Variants in ATP2A2 observed in about 807,000 individuals in gnomAD.
ATP2A2 encodes sarcoplasmic/endoplasmic reticulum calcium ATPase 2.
Under a neutral mutation model 109.3 loss-of-function variants are expected in ATP2A2, and 14 were observed. The observed-to-expected ratio is 0.13, with a 90% confidence interval of 0.08 to 0.20. ATP2A2 has a LOEUF of 0.20. ATP2A2 is among the 10% of genes least tolerant of loss of function. The pLI is 1.00. For synonymous variants in ATP2A2, 506 were observed against 490.9 expected (o/e 1.03, Z -0.41); for missense variants, 657 against 1,321.6 (o/e 0.50, Z 7.80).
At chr12:110,313,275 G>A (rs1876290445) in intron 5 of ATP2A2, among the ~76,000 whole-genome samples, 2 of 151,250 alleles carry the variant, frequency 1.3e-5, no homozygotes. Flanking sequence ...TTTGGAAAAA[G>A]GAGAAGAAAC....
At position 110,281,825 on chromosome 12, in the gene ATP2A2, G is replaced by A. The variant is rs764707034; in HGVS notation, c.36G>A (p.Val12=). The A allele has an allele frequency of 1.9e-5, 29 of 1,558,660 alleles. No individual in the cohort carries two copies. Among genetic ancestry groups the A allele is most frequent in the Non-Finnish European group, 2.3e-5 (27 of 1,153,942 alleles). The change falls in exon 1 of 20, where the codon GTG becomes GTA. Residue 12 remains valine, a synonymous_variant. Coordinates refer to ENST00000539276, the MANE Select transcript of ATP2A2 (RefSeq NM_170665.4). ...ENAHTKTVEE[V]LGHFGVNEST... ...CGCACACCAAGACGGTGGAGGAGGTGCTGGGCCACTTCGGCGTCAACGAGA... is the reference window on the plus strand; with the variant it reads ...CGCACACCAAGACGGTGGAGGAGGTACTGGGCCACTTCGGCGTCAACGAGA...
chr12:110,335,521 A>T (rs549271951), intron 11 of ATP2A2, among the ~76,000 whole-genome samples: 18 of 152,326 alleles, frequency 1.2e-4, no homozygotes, highest in African/African-American at 4.3e-4. Context: ...TCTCAAAAAA[A>T]AATTAAGGCC....
intron 5 of ATP2A2, among the ~76,000 whole-genome samples, chr12:110,321,363 C>T (rs998815583): frequency 1.3e-5 from 2 of 152,186 alleles, no homozygotes; most frequent in African/African-American, 4.8e-5. Flanking sequence ...TTTTAAAATG[C>T]CATCTGCAAG....
chr12:110,312,693 T>G (rs1876210608), intron 5 of ATP2A2, among the ~76,000 whole-genome samples: 1 of 151,236 alleles, frequency 6.6e-6, no homozygotes, highest in South Asian at 2.1e-4. Context: ...TCACTAAAAA[T>G]ACAAAAATTA....
Position 110,292,119 on chromosome 12 carries a change from T to C in ATP2A2, c.319T>C (p.Trp107Arg). Residue 107 changes from tryptophan (W) to arginine (R), a missense_variant, in exon 4 of 20, where the codon TGG (tryptophan) becomes CGG (arginine). This residue lies in a region of ATP2A2 where 136 missense variants were observed against 343.9 expected (regional missense o/e 0.40). Coordinates refer to ENST00000539276, the MANE Select transcript of ATP2A2 (RefSeq NM_170665.4). ...ILVANAIVGV[W>R]QERNAENAIE... ...AGTAGCCAATGCAATTGTGGGTGTA[T>C]GGCAGGTAAGCAAAAATTCCTGTAC... The C allele has an allele frequency of 6.2e-7, 1 of 1,613,624 alleles. No homozygotes were observed. The highest frequency in any genetic ancestry group is 2.2e-5 in the East Asian group (1 of 44,882).
At chr12:110,308,152 C>G (rs571417621) in intron 5 of ATP2A2, among the ~76,000 whole-genome samples, 2 of 152,226 alleles carry the variant, frequency 1.3e-5, no homozygotes, top group East Asian at 3.9e-4. Context: ...TTAAGATTTT[C>G]TATATACAAG....
intron 5 of ATP2A2, among the ~76,000 whole-genome samples, chr12:110,316,345 T>C (rs983717422): frequency 1.1e-4 from 17 of 152,258 alleles, no homozygotes; most frequent in Admixed American, 2.0e-4. Flanking sequence ...TTCTAGACTT[T>C]TACTGGCATA....
intron 5 of ATP2A2, among the ~76,000 whole-genome samples, chr12:110,303,494 T>C (rs1037904834): frequency 1.3e-5 from 2 of 152,202 alleles, no homozygotes; most frequent in African/African-American, 4.8e-5. Context: ...CACTGCAACC[T>C]CCGACTCCCT....
chr12:110,288,761 C>T (rs1022645685), intron 3 of ATP2A2, among the ~76,000 whole-genome samples: 2 of 152,122 alleles, frequency 1.3e-5, no homozygotes, highest in East Asian at 1.9e-4. Flanking sequence ...AAACATTTTC[C>T]CAGTTCCTTG....
intron 14 of ATP2A2, among the ~76,000 whole-genome samples, chr12:110,341,484 C>T (rs1180502744): frequency 6.6e-6 from 1 of 152,126 alleles, no homozygotes; most frequent in Admixed American, 6.5e-5. Context: ...TCCTCTCCCC[C>T]AGAGGTAACT....
At position 110,350,186 on chromosome 12, in the gene ATP2A2, T is replaced by C; in HGVS notation, c.*3716T>C. 2 of 1,609,270 alleles carry C rather than the reference T, an allele frequency of 1.2e-6. No individual in the cohort carries two copies. Among genetic ancestry groups the C allele is most frequent in the Non-Finnish European group, 8.5e-7 (1 of 1,177,846 alleles). ...GAAACCTTGAAAAGATCAAGCTGAA[T>C]GTTCCTTTTCATCTGTCGCTGTTGA... is the stretch of plus-strand genomic sequence containing the variant. On this transcript the variant is annotated 3_prime_UTR_variant, in exon 20 of 20. Coordinates refer to ENST00000539276, the MANE Select transcript of ATP2A2 (RefSeq NM_170665.4).
chr12:110,321,309 A>T (rs1592837660), intron 5 of ATP2A2, among the ~76,000 whole-genome samples: 3 of 152,244 alleles, frequency 2.0e-5, no homozygotes, highest in Admixed American at 2.0e-4. Context: ...TATGACTGGT[A>T]ACATGCAATT....
chr12:110,288,978 A>T (rs551848444), intron 3 of ATP2A2, among the ~76,000 whole-genome samples: 1 of 152,102 alleles, frequency 6.6e-6, no homozygotes, highest in South Asian at 2.1e-4. Context: ...AGGTTTTCTT[A>T]CCAATAGATC....
chr12:110,288,479 G>A (rs373448916), intron 3 of ATP2A2, among the ~76,000 whole-genome samples: 185 of 150,488 alleles, frequency 1.2e-3, no homozygotes, highest in African/African-American at 4.4e-3. Context: ...ATCTCGGCTC[G>A]CTGTAACCTC....
At chr12:110,299,113 G>C (rs1030702033) in intron 5 of ATP2A2, among the ~76,000 whole-genome samples, 1 of 151,994 alleles carries the variant, frequency 6.6e-6, no homozygotes, top group African/African-American at 2.4e-5. Context: ...GGGATCACAG[G>C]CATGAGCAAC....
chr12:110,330,943 C>CA (rs1878270699), intron 8 of ATP2A2: 1 of 152,102 alleles, frequency 6.6e-6, no homozygotes, highest in Non-Finnish European at 1.5e-5. Flanking sequence ...GGTATAGACT[C>CA]AAAGAATTTC....
intron 3 of ATP2A2, among the ~76,000 whole-genome samples, chr12:110,287,349 T>C (rs772852263): frequency 2.0e-5 from 3 of 152,200 alleles, no homozygotes; most frequent in Non-Finnish European, 4.4e-5. Flanking sequence ...AGATTAATCT[T>C]GTGGATAATA....
At chr12:110,334,586 CTT>C (rs67776124) in intron 11 of ATP2A2, among the ~76,000 whole-genome samples, 8 of 114,474 alleles carry the variant, frequency 7.0e-5, no homozygotes, top group Non-Finnish European at 8.7e-5. Flanking sequence ...TCAATTAAAC[CTT>C]TTTTTTTTTT....
intron 5 of ATP2A2, among the ~76,000 whole-genome samples, chr12:110,305,295 C>T (rs1875160455): frequency 6.6e-6 from 1 of 152,138 alleles, no homozygotes; most frequent in South Asian, 2.1e-4. Context: ...TCTCACTACT[C>T]AGGAGGCAGA....
Sources: allele counts gnomAD v4.1 joint callset (sites outside exome capture counted in the v4.1 genomes callset), GRCh38; gene constraint gnomAD v4.1.1; regional missense constraint gnomAD v4.1.1; transcripts MANE v1.5; gene names NCBI Gene and HGNC (gene_info 2026-07-23, HGNC 2026-07-21).